ENOSF1: variants seen among roughly 807,000 people sequenced by gnomAD.
The protein encoded by ENOSF1 is enolase superfamily member 1, also known as mitochondrial enolase superfamily member 1.
In ENOSF1, 73 loss-of-function variants were observed where a neutral mutation model predicts 68.2. That is an observed-to-expected ratio of 1.07 (90% CI 0.89 to 1.30). The LOEUF (loss-of-function observed/expected upper bound fraction) is 1.30. ENOSF1 is among the 50% of genes most tolerant of loss of function. The probability of loss-of-function intolerance (pLI) is 0.00; values close to 1 mark genes in which losing one functional copy is unlikely to be tolerated. For missense variants in ENOSF1, 589 were observed against 554.5 expected (o/e 1.06, Z -0.62); for synonymous variants, 223 against 210.4 (o/e 1.06, Z -0.52).
chr18:668,410 T>C (rs2074900160), downstream of ENOSF1, among the ~76,000 whole-genome samples: 1 of 152,178 alleles, frequency 6.6e-6, no homozygotes, highest in African/African-American at 2.4e-5. Context: ...TCCAGTTCCA[T>C]CTCAGAAGGA....
In ENOSF1 at chr18:670,519, C is replaced by A; in HGVS notation, c.*3786G>T. On this transcript the variant is annotated 3_prime_UTR_variant, in exon 16 of 16. Coordinates refer to ENST00000647584, the MANE Select transcript of ENOSF1 (RefSeq NM_017512.7). The stretch of plus-strand genomic sequence containing the variant: ...CCTTGCACCGATGGATAGTCTCCCT[C>A]AGCTCCGTGCCATCGCTGCAGAGGC... 1 of 640,330 alleles carries A rather than the reference C, an allele frequency of 1.6e-6. No homozygotes were observed. Among genetic ancestry groups the A allele is most frequent in the Non-Finnish European group, 2.7e-6 (1 of 373,342 alleles). 39.7% of individuals were successfully genotyped at this position (640,330 alleles called of 1,614,324 possible).
At chr18:668,106 T>C (rs2074892416), downstream of ENOSF1, among the ~76,000 whole-genome samples, 1 of 150,720 alleles carries the variant, frequency 6.6e-6, no homozygotes, top group African/African-American at 2.4e-5. Flanking sequence ...GGTGCATTCC[T>C]CAGAGTTGTC....
At chr18:691,677 T>C (rs2077188377) in intron 5 of ENOSF1, 1 of 177,148 alleles carries the variant, frequency 5.6e-6, no homozygotes, top group African/African-American at 2.4e-5. Context: ...GGGCTCATTC[T>C]TTCCTGGCAG....
downstream of ENOSF1, among the ~76,000 whole-genome samples, chr18:666,999 A>T (rs287599): frequency 0.14 from 798 of 5,520 alleles, 21 homozygotes; most frequent in Non-Finnish European, 0.19. Context: ...ATGGTGATGG[A>T]GATGGTGATG....
At position 683,312 on chromosome 18, in the gene ENOSF1, G is replaced by C. The variant is rs2076278061; in HGVS notation, c.810C>G (p.Phe270Leu). The C allele has an allele frequency of 1.2e-6, 2 of 1,614,174 alleles. No individual in the cohort carries two copies. Among genetic ancestry groups the C allele is most frequent in the South Asian group, 1.1e-5 (1 of 91,088 alleles). The change falls in exon 11 of 16, where the codon TTC becomes TTG. Residue 270 changes from phenylalanine (F) to leucine (L), a missense_variant. By Grantham distance (22) the Phe-to-Leu change is conservative. Transcript: ENST00000647584. ...AVEWMSKLAKFKPLWIEEPTS... is the reference protein window; with the variant it reads ...AVEWMSKLAKLKPLWIEEPTS... ...TTGGCTCCTCAATCCACAATGGCTT[G>C]AACTTGGCCAGCTTGGACATCCACT...
chr18:677,462 CTATT>C lies in ENOSF1; in HGVS notation c.1049-22_1049-19del, dbSNP rs774125690. 1.2e-6 allele frequency: 2 copies of C among 1,606,860 alleles called. No individual in the cohort carries two copies. Among genetic ancestry groups the C allele is most frequent in the South Asian group, 2.2e-5 (2 of 90,270 alleles). On this transcript the variant is annotated intron_variant, in intron 13 of 15. Coordinates refer to ENST00000647584, the MANE Select transcript of ENOSF1 (RefSeq NM_017512.7). Reference sequence around the variant, plus strand: ...AACAGGAACTAAAAGGAAATCGTTTCTATTTAATACCAAGAGTAGGGCAGGGAGA... The same window carrying C: ...AACAGGAACTAAAAGGAAATCGTTTCTAATACCAAGAGTAGGGCAGGGAGA...
rs1379173649 is a variant in ENOSF1, at chr18:688,560, A to G, written c.653+14T>C. The stretch of plus-strand genomic sequence containing the variant: ...GCCGCCAACTGGGAAAGTCAGGTCC[A>G]TCATCACACTCACCTGGTCCAGCCA... On this transcript the variant is annotated intron_variant, in intron 9 of 15. Coordinates refer to ENST00000647584, the MANE Select transcript of ENOSF1 (RefSeq NM_017512.7). 11 of 1,613,898 alleles carry G rather than the reference A, an allele frequency of 6.8e-6. No homozygotes were observed. Among genetic ancestry groups the G allele is most frequent in the East Asian group, 2.2e-5 (1 of 44,816 alleles).
downstream of ENOSF1, chr18:669,010 G>A: frequency 7.1e-7 from 1 of 1,400,162 alleles, no homozygotes; most frequent in Non-Finnish European, 1.0e-6. Context: ...GACCTCTAAG[G>A]CCATCTCATG....
intron 11 of ENOSF1, among the ~76,000 whole-genome samples, chr18:680,847 ATT>A (rs1168596604): frequency 8.0e-6 from 1 of 125,724 alleles, no homozygotes; most frequent in African/African-American, 3.0e-5. Flanking sequence ...CGCCCTGCTA[ATT>A]TTTTTTTTTT....
intron 5 of ENOSF1, chr18:693,617 C>T: frequency 1.0e-6 from 1 of 985,430 alleles, no homozygotes; most frequent in South Asian, 4.7e-5. Context: ...GCTCAGAGAA[C>T]TGGCACCGTG....
At chr18:675,461 G>T in intron 14 of ENOSF1, 59 bp from the exon 15 acceptor site, 1 of 1,445,282 alleles carries the variant, frequency 6.9e-7, no homozygotes, top group Non-Finnish European at 9.6e-7. Context: ...TTCACGTGGT[G>T]CTAACTTAAA....
rs113394499 is a variant in ENOSF1 at position 678,124 on chromosome 18, G to A, written c.919-252C>T. On this transcript the variant is annotated intron_variant, in intron 12 of 15. Transcript: ENST00000647584. ...AGTCAGGTCAAAATCACACTGGCTCGCCATTTATGAGGGAATGACTGTCAC... is the reference window on the plus strand; with the variant it reads ...AGTCAGGTCAAAATCACACTGGCTCACCATTTATGAGGGAATGACTGTCAC... 4.4e-3 allele frequency among the ~76,000 whole-genome samples: 669 copies of A among 152,266 alleles called. 7 individuals carry two copies. Among genetic ancestry groups the A allele is most frequent in the African/African-American group, 0.015 (620 of 41,536 alleles).
chr18:688,455 A>G, intron 9 of ENOSF1, 119 bp downstream of exon 9: 1 of 1,334,660 alleles, frequency 7.5e-7, no homozygotes, highest in South Asian at 1.2e-5. Context: ...CATCCCTATG[A>G]GCCAGGGGGA....
intron 1 of ENOSF1, chr18:707,768 T>C (rs2079087803): frequency 6.6e-6 from 1 of 152,184 alleles, no homozygotes; most frequent in Non-Finnish European, 1.5e-5. Flanking sequence ...ATAAAGTAGG[T>C]GCTCTTATCC....
chr18:711,499 C>G (rs1281101319), intron 1 of ENOSF1, among the ~76,000 whole-genome samples: 1 of 152,126 alleles, frequency 6.6e-6, no homozygotes, highest in Admixed American at 6.5e-5. Context: ...TTCACACATT[C>G]ACTACATACC....
Position 694,309 on chromosome 18 carries a change from T to A in ENOSF1, c.335A>T (p.His112Leu). Residue 112 changes from histidine to leucine, a missense_variant, in exon 4 of 16, where the codon CAC (histidine) becomes CTC (leucine). Coordinates refer to ENST00000647584, the MANE Select transcript of ENOSF1 (RefSeq NM_017512.7). ...RWIGPEKGVV[H>L]LATAAVLNAV... ...GTTTAGGACGGCCGCTGTCGCCAGG[T>A]GCACCACGCCCTTTTCTGGACCAAT... 1 of 1,614,130 alleles carries A rather than the reference T, an allele frequency of 6.2e-7. No homozygotes were observed. Among genetic ancestry groups the A allele is most frequent in the Non-Finnish European group, 8.5e-7 (1 of 1,180,038 alleles).
intron 7 of ENOSF1, 143 bp downstream of exon 7, chr18:690,925 C>A: frequency 1.7e-6 from 2 of 1,184,322 alleles, no homozygotes; most frequent in South Asian, 1.5e-5. Context: ...CAGGCTTCAC[C>A]ATGCAGACTT....
At chr18:679,561 GAAA>G (rs35144608) in intron 11 of ENOSF1, among the ~76,000 whole-genome samples, 7 of 147,476 alleles carry the variant, frequency 4.7e-5, no homozygotes, top group Non-Finnish European at 1.0e-4. Context: ...AAAAATCCAT[GAAA>G]AAAAAAAAAA....
At chr18:683,533 CAA>C in intron 10 of ENOSF1, 153 bp from the exon 11 acceptor site, 1 of 787,066 alleles carries the variant, frequency 1.3e-6, no homozygotes, top group Middle Eastern at 3.9e-4. Context: ...ACGGCCCTAA[CAA>C]AAAGAGCCAG....
Sources: allele counts gnomAD v4.1 joint callset (sites outside exome capture counted in the v4.1 genomes callset), GRCh38; gene constraint gnomAD v4.1.1; transcripts MANE v1.5; gene names NCBI Gene and HGNC (gene_info 2026-07-23, HGNC 2026-07-21).